Variants in RASGRP3 observed in about 807,000 individuals in gnomAD.
RASGRP3 encodes RAS guanyl releasing protein 3, also known as ras guanyl-releasing protein 3.
In RASGRP3, 54 loss-of-function variants were observed where a neutral mutation model predicts 82.7. The observed-to-expected ratio is 0.65, with a 90% CI of 0.52 to 0.82. The LOEUF is 0.82. RASGRP3 is among the 40% of genes least tolerant of loss of function. RASGRP3 has a pLI of 0.00. For synonymous variants in RASGRP3, 309 were observed against 300.5 expected, an observed-to-expected ratio of 1.03 and a Z score of -0.29; for missense variants, 861 against 828.9, an observed-to-expected ratio of 1.04 and a Z score of -0.48.
chr2:33,473,441 C>T (rs770659392), upstream of RASGRP3, among the ~76,000 whole-genome samples: 12 of 152,046 alleles, frequency 7.9e-5, no homozygotes, highest in Middle Eastern at 3.4e-3. Flanking sequence ...AATGTGAGAA[C>T]GTGAGCATGT....
chr2:33,442,106 A>T (rs559524234), intron 1 of RASGRP3, among the ~76,000 whole-genome samples: 5 of 152,352 alleles, frequency 3.3e-5, no homozygotes, highest in South Asian at 4.1e-4. Context: ...ATATATGTAC[A>T]TATGAAAAAA....
At chr2:33,465,424 G>A (rs559717744) in intron 2 of RASGRP3, among the ~76,000 whole-genome samples, 26 of 152,330 alleles carry the variant, frequency 1.7e-4, no homozygotes, top group East Asian at 3.9e-4. Context: ...GTGGAAGGCC[G>A]AAGAGGGAGG....
chr2:33,563,654 A>AATT lies in RASGRP3; in HGVS notation c.*918_*920dup, dbSNP rs1676937414. ...CTAGGTGAAATGCAAAACAACCATC[A>AATT]ATTTTTTTAAACTCAATAATTTTGT... On this transcript the variant is annotated 3_prime_UTR_variant, in exon 18 of 18. Coordinates refer to ENST00000403687, the MANE Select transcript of RASGRP3 (RefSeq NM_001139488.2). 2 of 151,824 alleles carry AATT rather than the reference A, an allele frequency of 1.3e-5. No individual in the cohort carries two copies. The highest frequency in any genetic ancestry group is 1.3e-4 in the Admixed American group (2 of 15,234). The allele number at this position is 151,824 out of a possible 1,614,324, so 9.4% of individuals were successfully genotyped here.
intron 2 of RASGRP3, among the ~76,000 whole-genome samples, chr2:33,461,269 C>T (rs1666347173): frequency 6.6e-6 from 1 of 152,176 alleles, no homozygotes; most frequent in Non-Finnish European, 1.5e-5. Context: ...GGAAATTTCT[C>T]TACCACTATT....
chr2:33,561,515 G>GA (rs1428902634), intron 17 of RASGRP3, among the ~76,000 whole-genome samples: 5 of 152,038 alleles, frequency 3.3e-5, no homozygotes, highest in Non-Finnish European at 5.9e-5. Context: ...TAACAAATGA[G>GA]ATGTTTGCTC....
At chr2:33,482,104 C>G (rs1273773597) in intron 1 of RASGRP3, 1 of 151,784 alleles carries the variant, frequency 6.6e-6, no homozygotes, top group Non-Finnish European at 1.5e-5. Flanking sequence ...AGCTCCGCCT[C>G]CCAGGTTCAT....
chr2:33,527,076 G>T (rs982341547), intron 9 of RASGRP3, 61 bp from the exon 10 acceptor site: 8 of 1,551,500 alleles, frequency 5.2e-6, no homozygotes, highest in Non-Finnish European at 7.0e-6. Flanking sequence ...CACATTGCAG[G>T]GCCCGGGGGT....
At chr2:33,449,317 C>T (rs11695726) in intron 2 of RASGRP3, among the ~76,000 whole-genome samples, 12,798 of 152,238 alleles carry the variant, frequency 0.084, 691 homozygotes, top group Admixed American at 0.16. Context: ...ACCAACCTTT[C>T]GTCATTGCAA....
chr2:33,465,979 A>T (rs1666672911), intron 2 of RASGRP3, among the ~76,000 whole-genome samples: 1 of 152,194 alleles, frequency 6.6e-6, no homozygotes, highest in African/African-American at 2.4e-5. Flanking sequence ...CAAAAAAAAA[A>T]AAAAAAAGGA....
At chr2:33,450,774 A>G (rs1414148190) in intron 2 of RASGRP3, among the ~76,000 whole-genome samples, 3 of 135,208 alleles carry the variant, frequency 2.2e-5, no homozygotes, top group Non-Finnish European at 4.9e-5. Flanking sequence ...GTTCTATTTT[A>G]AATGTTTTTT....
chr2:33,450,838 T>C (rs1665757663), intron 2 of RASGRP3, among the ~76,000 whole-genome samples: 1 of 83,336 alleles, frequency 1.2e-5, no homozygotes, highest in African/African-American at 4.4e-5. Context: ...TTTTTTTTTT[T>C]TTTTTTTTTT....
intron 11 of RASGRP3, among the ~76,000 whole-genome samples, chr2:33,536,889 C>T (rs887985354): frequency 6.6e-6 from 1 of 152,082 alleles, no homozygotes; most frequent in African/African-American, 2.4e-5. Flanking sequence ...GGGCTCTGGC[C>T]CCAAGACAGC....
At position 33,527,205 on chromosome 2, in the gene RASGRP3, C is replaced by G; in HGVS notation, c.876C>G (p.Ala292=). 6.2e-7 allele frequency: 1 copy of G among 1,613,998 alleles called. No individual in the cohort carries two copies. Among genetic ancestry groups the G allele is most frequent in the Non-Finnish European group, 8.5e-7 (1 of 1,179,874 alleles). ...GNYCNYRKAF[A]DCDGFKIPIL... is the part of the protein sequence containing the mutation. ...ACTGCAATTACCGCAAGGCCTTTGC[C>G]GACTGCGATGGCTTCAAAATCCCCA... Residue 292 remains alanine, a synonymous_variant, in exon 10 of 18, where the codon GCC becomes GCG. Transcript: ENST00000403687.
intron 3 of RASGRP3, among the ~76,000 whole-genome samples, chr2:33,515,705 T>C (rs994066059): frequency 6.6e-6 from 1 of 152,246 alleles, no homozygotes; most frequent in African/African-American, 2.4e-5. Flanking sequence ...ATACACGTCA[T>C]ATCTGCTACT....
chr2:33,546,863 T>C (rs1338244659), intron 13 of RASGRP3, among the ~76,000 whole-genome samples: 1 of 151,778 alleles, frequency 6.6e-6, no homozygotes, highest in Non-Finnish European at 1.5e-5. Context: ...AGTCGGGAGC[T>C]CGAGACCAGT....
chr2:33,483,378 C>G (rs1040997649), intron 1 of RASGRP3, among the ~76,000 whole-genome samples: 1 of 151,910 alleles, frequency 6.6e-6, no homozygotes, highest in East Asian at 1.9e-4. Context: ...AGAGTTTCAA[C>G]TCTTAGTATG....
chr2:33,519,963 C>G lies in RASGRP3; in HGVS notation c.185C>G (p.Ala62Gly), dbSNP rs750786013. The G allele has an allele frequency of 2.5e-6, 4 of 1,609,282 alleles. No individual in the cohort carries two copies. Among genetic ancestry groups the G allele is most frequent in the Non-Finnish European group, 3.4e-6 (4 of 1,177,654 alleles). ...TTTAACTGGTTTACGTATCGAAATG[C>G]CACTGGAGAAAGCTGCAATGAATTT... ...AEKLLCMYRN[A>G]TGESCNEFRL... Residue 62 changes from alanine (A) to glycine (G), a missense_variant, in exon 5 of 18, where the codon GCC (alanine) becomes GGC (glycine). By Grantham distance (60) the Ala-to-Gly change is moderately conservative. Transcript: ENST00000403687.
At chr2:33,524,123 G>A in intron 8 of RASGRP3, 71 bp downstream of exon 8, 1 of 1,527,814 alleles carries the variant, frequency 6.5e-7, no homozygotes, top group Non-Finnish European at 9.0e-7. Context: ...AAGTCATTGA[G>A]GAAATGTGGC....
intron 2 of RASGRP3, among the ~76,000 whole-genome samples, chr2:33,453,846 G>A (rs1382353189): frequency 2.0e-5 from 3 of 152,116 alleles, no homozygotes; most frequent in Non-Finnish European, 4.4e-5. Context: ...AGTTTTTTAT[G>A]ATAAACATAT....
Sources: allele counts gnomAD v4.1 joint callset (sites outside exome capture counted in the v4.1 genomes callset), GRCh38; gene constraint gnomAD v4.1.1; transcripts MANE v1.5; gene names NCBI Gene and HGNC (gene_info 2026-07-23, HGNC 2026-07-21).